ATP2C1: variants seen among roughly 807,000 people sequenced by gnomAD.
ATP2C1 encodes calcium-transporting ATPase type 2C member 1.
A neutral mutation model predicts 120.5 loss-of-function variants in ATP2C1; 31 were observed. The observed-to-expected ratio is 0.26, with a 90% CI of 0.19 to 0.35. The LOEUF is 0.35. Among genes scored for constraint, ATP2C1 ranks in the 10% least tolerant of loss-of-function variants. ATP2C1 has a pLI of 1.00. For synonymous variants in ATP2C1, 351 were observed against 358.7 expected (o/e 0.98, Z 0.24); for missense variants, 731 against 1,107.5 (o/e 0.66, Z 4.83).
chr3:130,904,572 C>T (rs1034396422), intron 2 of ATP2C1, among the ~76,000 whole-genome samples: 2 of 151,956 alleles, frequency 1.3e-5, no homozygotes, highest in Admixed American at 1.3e-4. Flanking sequence ...TTCATTTTAA[C>T]CTTGTAGTTG....
intron 2 of ATP2C1, chr3:130,914,455 G>GC (rs1039318543): frequency 6.6e-6 from 1 of 152,050 alleles, no homozygotes; most frequent in Admixed American, 6.5e-5. Context: ...GACCAGCCAA[G>GC]CCCTATAGTT....
At chr3:130,867,835 T>C (rs2068243195) in intron 1 of ATP2C1, among the ~76,000 whole-genome samples, 1 of 135,256 alleles carries the variant, frequency 7.4e-6, no homozygotes, top group African/African-American at 2.9e-5. Flanking sequence ...CCATCCCATC[T>C]AGGAAGCGAG....
At chr3:130,964,391 CAT>C (rs1027424554) in intron 13 of ATP2C1, among the ~76,000 whole-genome samples, 3 of 151,938 alleles carry the variant, frequency 2.0e-5, no homozygotes, top group Admixed American at 6.6e-5. Context: ...TTTCTTGTGA[CAT>C]GTCAAAGAAG....
chr3:130,982,767 G>A (rs765156547), intron 20 of ATP2C1, among the ~76,000 whole-genome samples: 1 of 151,888 alleles, frequency 6.6e-6, no homozygotes, highest in Non-Finnish European at 1.5e-5. Flanking sequence ...ATACTTTTTT[G>A]ATTAGAAAAT....
At chr3:130,954,739 G>A (rs956705804) in intron 9 of ATP2C1, among the ~76,000 whole-genome samples, 4 of 152,080 alleles carry the variant, frequency 2.6e-5, no homozygotes, top group Admixed American at 6.5e-5. Context: ...CACCCGCCTC[G>A]GCCACCCAAA....
chr3:131,013,732 T>G (rs141048704), intron 26 of ATP2C1: 329 of 179,272 alleles, frequency 1.8e-3, no homozygotes, highest in African/African-American at 7.2e-3. Context: ...AAGGCAATAA[T>G]TGAGTGAGAC....
intron 2 of ATP2C1, among the ~76,000 whole-genome samples, chr3:130,904,536 T>C (rs2058036346): frequency 6.6e-6 from 1 of 152,102 alleles, no homozygotes; most frequent in African/African-American, 2.4e-5. Flanking sequence ...GTAAAGTTAC[T>C]GCTTTTTCCT....
intron 2 of ATP2C1, among the ~76,000 whole-genome samples, chr3:130,912,320 A>G (rs2058462013): frequency 1.3e-5 from 2 of 150,836 alleles, no homozygotes; most frequent in South Asian, 4.2e-4. Context: ...CAGGAAACCT[A>G]CAAAATGGGA....
chr3:130,894,004 G>A (rs2069335063), upstream of ATP2C1: 2 of 985,990 alleles, frequency 2.0e-6, no homozygotes, highest in Non-Finnish European at 2.4e-6. The surrounding 1 kb of genome is among the most constrained non-coding windows in gnomAD (Gnocchi z 4.5). Context: ...AGCTGGGTTC[G>A]CGGCTGGCCC....
At chr3:130,901,982 C>G (rs1006207483) in intron 2 of ATP2C1, among the ~76,000 whole-genome samples, 1 of 152,034 alleles carries the variant, frequency 6.6e-6, no homozygotes, top group East Asian at 1.9e-4. Context: ...ATCCGTAAGA[C>G]AGCATCTTCT....
chr3:130,850,799 G>T, exon 1 of ATP2C1: 1 of 1,238,482 alleles, frequency 8.1e-7, no homozygotes, highest in Non-Finnish European at 1.1e-6. Context: ...GTGCAGACAA[G>T]GACCCTCTTG....
intron 13 of ATP2C1, 27 bp from the exon 14 acceptor site, chr3:130,964,921 G>A: frequency 6.5e-7 from 1 of 1,537,196 alleles, no homozygotes. Context: ...GATTCTTTTG[G>A]TGACTTGTAA....
At chr3:130,915,946 A>C (rs1242187637) in intron 2 of ATP2C1, among the ~76,000 whole-genome samples, 1 of 152,242 alleles carries the variant, frequency 6.6e-6, no homozygotes, top group Non-Finnish European at 1.5e-5. Context: ...TATCTTAATA[A>C]CAGAGGATTA....
At chr3:130,953,097 GTATGTATGTATGTATGTATA>G (rs1370224300) in intron 8 of ATP2C1, among the ~76,000 whole-genome samples, 1 of 151,620 alleles carries the variant, frequency 6.6e-6, no homozygotes, top group Non-Finnish European at 1.5e-5. Context: ...ATGTATGTAT[GTATGTATGTATGTATGTATA>G]TATGTATGTA....
At position 130,896,486 on chromosome 3, in the gene ATP2C1, T is replaced by TA. The variant is rs953902634; in HGVS notation, c.6+1711_6+1712insA. On this transcript the variant is annotated intron_variant, in intron 2 of 27. Transcript: ENST00000510168. ...TTTCTCCCTATCGTCACATTTTTTT[T>TA]TATATATAAACAGTTTGAAGAAGAG... is the stretch of plus-strand genomic sequence containing the variant. Among the ~76,000 whole-genome samples, 50 of 152,320 alleles carry TA rather than the reference T, an allele frequency of 3.3e-4. 1 individual carries two copies. The highest frequency in any genetic ancestry group is 1.0e-3 in the African/African-American group (42 of 41,556).
chr3:130,974,525 A>T (rs1361103750), intron 17 of ATP2C1, among the ~76,000 whole-genome samples: 1 of 152,246 alleles, frequency 6.6e-6, no homozygotes, highest in Non-Finnish European at 1.5e-5. Flanking sequence ...AGGGAAATAC[A>T]TTCCTGCCTC....
intron 1 of ATP2C1, chr3:130,867,918 A>C (rs1324394817): frequency 1.4e-5 from 3 of 219,366 alleles, no homozygotes; most frequent in African/African-American, 2.6e-5. Flanking sequence ...ATCGTCTGAG[A>C]TGTGGGGAGC....
At chr3:131,005,356 G>T (rs927058479), downstream of ATP2C1, among the ~76,000 whole-genome samples, 31 of 152,112 alleles carry the variant, frequency 2.0e-4, no homozygotes, top group Non-Finnish European at 8.8e-5. Context: ...AAGCTCAGGT[G>T]ATCCACCAGC....
rs564317861 is a variant in ATP2C1, at chr3:130,979,418, C to T, written c.1740C>T (p.Ile580=). The part of the protein sequence containing the change: ...TGDSQETAVA[I]ASRLGLYSKT... ...ATTCACAGGAGACTGCAGTTGCAAT[C>T]GGTATAACTAGACTGCTTTCTTTTG... The change falls in exon 19 of 28, where the codon ATC becomes ATT. Residue 580 remains isoleucine, a splice_region_variant and synonymous_variant. Transcript: ENST00000510168. 1.2e-5 allele frequency: 20 copies of T among 1,612,876 alleles called. No homozygotes were observed. The highest frequency in any genetic ancestry group is 2.7e-5 in the African/African-American group (2 of 74,836).
Sources: allele counts gnomAD v4.1 joint callset (sites outside exome capture counted in the v4.1 genomes callset), GRCh38; gene constraint gnomAD v4.1.1; non-coding constraint Gnocchi (gnomAD v3.1); transcripts MANE v1.5; gene names NCBI Gene and HGNC (gene_info 2026-07-23, HGNC 2026-07-21).